Variants in CAMK1 observed in about 807,000 individuals in gnomAD.
CAMK1 encodes the protein calcium/calmodulin-dependent protein kinase type 1.
A neutral mutation model predicts 49.1 loss-of-function variants in CAMK1; 39 were observed. That is an observed-to-expected ratio of 0.79 (90% CI 0.62 to 1.04). The LOEUF is 1.04. Ranked by LOEUF, CAMK1 falls within the 50% of genes least tolerant of loss-of-function variation. The pLI is 0.00. For synonymous variants in CAMK1, 192 were observed against 185.2 expected, an observed-to-expected ratio of 1.04 and a Z score of -0.30; for missense variants, 457 against 472.2, an observed-to-expected ratio of 0.97 and a Z score of 0.30.
rs2077632155 is a variant in CAMK1, at chr3:9,757,458, A to T, written c.*81T>A. The stretch of plus-strand genomic sequence containing the variant: ...GGTGAGGAGGGGACAGGGCAGAGAA[A>T]CTCCCGGTTCAGGGAGGGAAGGGGA... On this transcript the variant is annotated 3_prime_UTR_variant, in exon 12 of 12. Coordinates refer to ENST00000256460, the MANE Select transcript of CAMK1 (RefSeq NM_003656.5). The surrounding 1 kb of genome is among the most constrained non-coding windows in gnomAD (Gnocchi z 4.5). 2 of 1,601,854 alleles carry T rather than the reference A, an allele frequency of 1.2e-6. No homozygotes were observed. The highest frequency in any genetic ancestry group is 1.7e-5 in the Admixed American group (1 of 59,174).
chr3:9,766,081 TC>T, intron 2 of CAMK1, 191 bp from the exon 3 acceptor site: 1 of 1,540,996 alleles, frequency 6.5e-7, no homozygotes, highest in Non-Finnish European at 8.8e-7. Flanking sequence ...AAGTAGTCTC[TC>T]CCCTGGCCAC....
chr3:9,759,100 A>G (rs2125566602), intron 10 of CAMK1: 1 of 1,095,164 alleles, frequency 9.1e-7, no homozygotes, highest in Non-Finnish European at 1.4e-6. Context: ...CAGCCCCTCC[A>G]GTCTGGCCAG....
intron 8 of CAMK1, 98 bp from the exon 9 acceptor site, chr3:9,759,848 A>T: frequency 6.2e-7 from 1 of 1,604,636 alleles, no homozygotes; most frequent in Non-Finnish European, 8.5e-7. Flanking sequence ...CCTGGCATCA[A>T]GACAAAGAGG....
At chr3:9,760,208 A>T (rs879533999) in intron 8 of CAMK1, 1 of 187,738 alleles carries the variant, frequency 5.3e-6, no homozygotes, top group African/African-American at 2.4e-5. Context: ...GTGCCACTGC[A>T]CTCCAGCCTG....
At chr3:9,769,537 C>A (rs1164965891) in intron 1 of CAMK1, among the ~76,000 whole-genome samples, 1 of 152,188 alleles carries the variant, frequency 6.6e-6, no homozygotes, top group Non-Finnish European at 1.5e-5. Context: ...GTACACTCCG[C>A]AAGCCCCCCC....
Position 9,757,937 on chromosome 3 carries a change from G to T in CAMK1, c.913-91C>A. Reference sequence around the variant, plus strand: ...GGGGCGCAGTGGGATTCTTGCAATTGTTCTGTTATTTTCATTCAGGAGTTA... The same window carrying T: ...GGGGCGCAGTGGGATTCTTGCAATTTTTCTGTTATTTTCATTCAGGAGTTA... On this transcript the variant is annotated intron_variant, in intron 10 of 11. Transcript: ENST00000256460. This position sits in a 1 kb window ranked among gnomAD's most constrained non-coding sequence, Gnocchi z 4.5. The T allele has an allele frequency of 6.6e-7, 1 of 1,511,610 alleles. No individual in the cohort carries two copies. Among genetic ancestry groups the T allele is most frequent in the South Asian group, 1.3e-5 (1 of 74,726 alleles). 93.6% of individuals were successfully genotyped at this position (1,511,610 alleles called of 1,614,324 possible).
intron 10 of CAMK1, 21 bp downstream of exon 10, chr3:9,759,467 G>A (rs1490846818): frequency 1.2e-6 from 2 of 1,614,024 alleles, no homozygotes; most frequent in Non-Finnish European, 1.7e-6. Context: ...GCTGGGACCA[G>A]AACTAGGGAT....
rs771826644 is a variant in CAMK1 at position 9,757,716 on chromosome 3, G to C, written c.1030+13C>G. ...TGGACCACCCATGCCCTTCTGCAGA[G>C]CCCGCTCCTCACCCCCAGCCACTGG... On this transcript the variant is annotated intron_variant, in intron 11 of 11. Transcript: ENST00000256460. The surrounding 1 kb of genome is among the most constrained non-coding windows in gnomAD (Gnocchi z 4.5). The C allele has an allele frequency of 4.3e-6, 7 of 1,613,952 alleles. No individual in the cohort carries two copies. The African/African-American group carries it at 6.7e-5, about 15-fold the overall frequency.
At chr3:9,763,373 C>A (rs1360785849) in intron 3 of CAMK1, 160 bp from the exon 4 acceptor site, 2 of 237,026 alleles carry the variant, frequency 8.4e-6, no homozygotes, top group Non-Finnish European at 1.3e-5. Flanking sequence ...CACTGCACTC[C>A]AGCCTGGGCA....
intron 5 of CAMK1, 85 bp downstream of exon 5, chr3:9,762,828 GA>G (rs2077948696): frequency 7.3e-7 from 1 of 1,377,106 alleles, no homozygotes; most frequent in East Asian, 2.3e-5. Context: ...GTGAGGGGGT[GA>G]AAGTTGCCCA....
Position 9,757,379 on chromosome 3 carries a change from CA to C in CAMK1, c.*159del. On this transcript the variant is annotated 3_prime_UTR_variant, in exon 12 of 12. Coordinates refer to ENST00000256460, the MANE Select transcript of CAMK1 (RefSeq NM_003656.5). The surrounding 1 kb of genome is among the most constrained non-coding windows in gnomAD (Gnocchi z 4.5). ...ATCTTCCCTTTATTACAAGAAGGAACAATAAAATAGAAACATTTGTATGGAA... is the reference window on the plus strand; with the variant it reads ...ATCTTCCCTTTATTACAAGAAGGAACATAAAATAGAAACATTTGTATGGAA... 6.2e-7 allele frequency: 1 copy of C among 1,613,158 alleles called. No homozygotes were observed. Among genetic ancestry groups the C allele is most frequent in the Non-Finnish European group, 8.5e-7 (1 of 1,179,512 alleles).
Position 9,761,698 on chromosome 3 carries a change from A to G in CAMK1, c.489T>C (p.Phe163=). The G allele has an allele frequency of 2.5e-6, 4 of 1,614,190 alleles. No individual in the cohort carries two copies. In the South Asian group the frequency reaches 4.4e-5, roughly 18 times the overall value. Residue 163 remains phenylalanine, a synonymous_variant, in exon 6 of 12, where the codon TTT becomes TTC. Coordinates refer to ENST00000256460, the MANE Select transcript of CAMK1 (RefSeq NM_003656.5). ...CCGGGTCCTCCATCTTGGAGAGGCC[A>G]AAGTCGGAGATCATGATTTTGGAGT... The part of the protein sequence containing the change: ...DEDSKIMISD[F]GLSKMEDPGS...
At chr3:9,760,965 C>T (rs1279430572) in intron 7 of CAMK1, 197 bp from the exon 8 acceptor site, 6 of 740,078 alleles carry the variant, frequency 8.1e-6, no homozygotes, top group Non-Finnish European at 1.3e-5. Context: ...CCATCTTGCC[C>T]TCCTCAGGGC....
In CAMK1 at chr3:9,760,753, A is replaced by G; in HGVS notation, c.648T>C (p.Pro216=). 1 of 1,613,970 alleles carries G rather than the reference A, an allele frequency of 6.2e-7. No homozygotes were observed. The highest frequency in any genetic ancestry group is 8.5e-7 in the Non-Finnish European group (1 of 1,179,920). The change falls in exon 8 of 12, where the codon CCT becomes CCC. Residue 216 remains proline, a synonymous_variant. Coordinates refer to ENST00000256460, the MANE Select transcript of CAMK1 (RefSeq NM_003656.5). ...TGGCATCATTCTCGTCATAGAAGGG[A>G]GGGTAACCGCAGAGCCTGGGCAGGG... ...VIAYILLCGY[P]PFYDENDAKL...
At chr3:9,764,992 C>G (rs1016274829) in intron 3 of CAMK1, among the ~76,000 whole-genome samples, 2 of 151,626 alleles carry the variant, frequency 1.3e-5, no homozygotes, top group Admixed American at 1.3e-4. Flanking sequence ...TTTGGGAGGC[C>G]GAGGCGGGTG....
chr3:9,764,950 A>G (rs952678185), intron 3 of CAMK1, among the ~76,000 whole-genome samples: 2 of 152,132 alleles, frequency 1.3e-5, no homozygotes, highest in Admixed American at 1.3e-4. Context: ...ATGCTCTGCC[A>G]GGAGTTGGGT....
chr3:9,759,823 C>G, intron 8 of CAMK1, 73 bp from the exon 9 acceptor site: 1 of 1,612,770 alleles, frequency 6.2e-7, no homozygotes, highest in Middle Eastern at 1.7e-4. Flanking sequence ...AGCATACCCA[C>G]TCCCTCAGGT....
Position 9,757,996 on chromosome 3 carries a change from T to C in CAMK1, c.913-150A>G. On this transcript the variant is annotated intron_variant, in intron 10 of 11. Coordinates refer to ENST00000256460, the MANE Select transcript of CAMK1 (RefSeq NM_003656.5). The surrounding 1 kb of genome is among the most constrained non-coding windows in gnomAD (Gnocchi z 4.5). ...ATTCCCCTAAAGCCCCCCAAAAACC[T>C]CTACAAGGCTTTATTATATATTTAC... 1 of 1,299,144 alleles carries C rather than the reference T, an allele frequency of 7.7e-7. No homozygotes were observed. Among genetic ancestry groups the C allele is most frequent in the Non-Finnish European group, 1.0e-6 (1 of 971,810 alleles). 80.5% of individuals were successfully genotyped at this position (1,299,144 alleles called of 1,614,324 possible). A position where few individuals can be genotyped will look rare whatever the true frequency, so the allele number is the denominator to read the frequency against.
rs2078057610 is a variant in CAMK1 at position 9,764,623 on chromosome 3, TTTTTG to T, written c.215+1131_215+1135del. Reference sequence around the variant, plus strand: ...CACTGCGCCTGGCGTTTTTGTTTTTTTTTTGTTTTTTTTTTTTTTTTTGAGATGGA... The same window carrying T: ...CACTGCGCCTGGCGTTTTTGTTTTTTTTTTTTTTTTTTTTTTTGAGATGGA... On this transcript the variant is annotated intron_variant, in intron 3 of 11. Coordinates refer to ENST00000256460, the MANE Select transcript of CAMK1 (RefSeq NM_003656.5). 5.1e-4 allele frequency among the ~76,000 whole-genome samples: 66 copies of T among 129,906 alleles called. 1 individual carries two copies. Among genetic ancestry groups the T allele is most frequent in the East Asian group, 9.1e-4 (4 of 4,388 alleles). 85.2% of individuals were successfully genotyped at this position (129,906 alleles called of 152,430 possible). A position where few individuals can be genotyped will look rare whatever the true frequency, so the allele number is the denominator to read the frequency against.
Sources: gnomAD v4.1 joint callset for allele counts (sites outside exome capture counted in the v4.1 genomes callset) on GRCh38, gnomAD v4.1.1 for gene constraint, Gnocchi (gnomAD v3.1) non-coding constraint, MANE v1.5 for transcripts, NCBI Gene and HGNC (gene_info 2026-07-23, HGNC 2026-07-21) for gene names.